The following TRHDE variants were observed in gnomAD, a reference collection of about 807,000 sequenced individuals.
TRHDE encodes the protein thyrotropin-releasing hormone-degrading ectoenzyme.
TRHDE carries 72 observed loss-of-function variants against 125.7 expected under a neutral mutation model. The observed-to-expected ratio is 0.57, with a 90% confidence interval of 0.47 to 0.70. The LOEUF (loss-of-function observed/expected upper bound fraction) is 0.70. TRHDE is among the 30% of genes least tolerant of loss of function. TRHDE has a pLI of 0.00. For synonymous variants in TRHDE, 509 were observed against 509.1 expected (o/e 1.00, Z 0.00); for missense variants, 1,110 against 1,327.1 (o/e 0.84, Z 2.54).
rs1481891217 is a variant in TRHDE at position 72,669,443 on chromosome 12, A to G, written c.*6248A>G. ...ATTTCTCATCACACACATTTTTCTT[A>G]TGTCATATAAGTAAAGGAAAGAGTG... On this transcript the variant is annotated 3_prime_UTR_variant, in exon 19 of 19. Coordinates refer to ENST00000261180, the MANE Select transcript of TRHDE (RefSeq NM_013381.3). 3 of 151,794 alleles carry G rather than the reference A, an allele frequency of 2.0e-5. No individual in the cohort carries two copies. Among genetic ancestry groups the G allele is most frequent in the South Asian group, 4.1e-4 (2 of 4,832 alleles). The allele number at this position is 151,794 out of a possible 1,614,324, so 9.4% of individuals were successfully genotyped here.
At chr12:72,110,056 C>T (rs558173083) in intron 2 of TRHDE, among the ~76,000 whole-genome samples, 22 of 152,190 alleles carry the variant, frequency 1.4e-4, no homozygotes, top group African/African-American at 5.3e-4. Context: ...ACATCACGTT[C>T]CTAATGCCTC....
At chr12:72,335,806 A>G (rs1362872056) in intron 2 of TRHDE, among the ~76,000 whole-genome samples, 2 of 152,214 alleles carry the variant, frequency 1.3e-5, no homozygotes, top group African/African-American at 2.4e-5. Flanking sequence ...CAATTGTTTG[A>G]TAAGTGGGCA....
At chr12:72,266,820 G>T (rs1879080561) in intron 2 of TRHDE, among the ~76,000 whole-genome samples, 1 of 152,022 alleles carries the variant, frequency 6.6e-6, no homozygotes, top group African/African-American at 2.4e-5. Flanking sequence ...CTAATTAAAT[G>T]ACTCTGGCCA....
intron 2 of TRHDE, among the ~76,000 whole-genome samples, chr12:72,294,294 GGAGGGT>G (rs1880204223): frequency 6.6e-6 from 1 of 152,192 alleles, no homozygotes. Flanking sequence ...GTAGGGGAGT[GGAGGGT>G]GAGCAAGATG....
At position 72,520,211 on chromosome 12, in the gene TRHDE, T is replaced by G. The variant is rs1045235667; in HGVS notation, c.1722+20576T>G. Reference sequence around the variant, plus strand: ...GCTGCTTTGTTTACCTAAGCAAGCCTGGGCAATGGCGGGCGCCCCTCCCCC... The same window carrying G: ...GCTGCTTTGTTTACCTAAGCAAGCCGGGGCAATGGCGGGCGCCCCTCCCCC... On this transcript the variant is annotated intron_variant, in intron 6 of 18. Coordinates refer to ENST00000261180, the MANE Select transcript of TRHDE (RefSeq NM_013381.3). Among the ~76,000 whole-genome samples, 6 of 152,366 alleles carry G rather than the reference T, an allele frequency of 3.9e-5. No individual in the cohort carries two copies. In the South Asian group the frequency reaches 1.2e-3, roughly 32 times the overall value.
chr12:72,190,370 A>G (rs977930423), intron 2 of TRHDE, among the ~76,000 whole-genome samples: 1 of 152,186 alleles, frequency 6.6e-6, no homozygotes, highest in African/African-American at 2.4e-5. Context: ...CTGCTGTAGC[A>G]TTTTAACCCA....
In TRHDE at chr12:72,326,373, G is replaced by A. The variant is rs540478745; in HGVS notation, c.1188+39419G>A. Among the ~76,000 whole-genome samples, 6 of 152,118 alleles carry A rather than the reference G, an allele frequency of 3.9e-5. No individual in the cohort carries two copies. In the South Asian group the frequency reaches 1.0e-3, roughly 26 times the overall value. ...ATGAGAACAGATGGACACAGGGAGGGGAGCATCACACACTGGAGCCTGTTG... is the reference window on the plus strand; with the variant it reads ...ATGAGAACAGATGGACACAGGGAGGAGAGCATCACACACTGGAGCCTGTTG... On this transcript the variant is annotated intron_variant, in intron 2 of 18. Coordinates refer to ENST00000261180, the MANE Select transcript of TRHDE (RefSeq NM_013381.3).
chr12:72,447,037 C>G (rs1392549039), intron 3 of TRHDE, among the ~76,000 whole-genome samples: 1 of 152,168 alleles, frequency 6.6e-6, no homozygotes, highest in African/African-American at 2.4e-5. Context: ...CTACAGAACT[C>G]TCCACCCCAA....
At chr12:72,473,301 A>G (rs1876738358) in intron 5 of TRHDE, 121 bp downstream of exon 5, 2 of 660,196 alleles carry the variant, frequency 3.0e-6, no homozygotes, top group African/African-American at 1.8e-5. Context: ...GTATCAATAA[A>G]GTGTAACCAA....
chr12:72,253,493 A>C (rs1442588390), intron 2 of TRHDE: 2 of 152,122 alleles, frequency 1.3e-5, no homozygotes, highest in Non-Finnish European at 2.9e-5. Context: ...CAGCATTAAG[A>C]ATGACAGCTG....
At chr12:72,172,140 A>C (rs184333729) in intron 2 of TRHDE, among the ~76,000 whole-genome samples, 4 of 152,320 alleles carry the variant, frequency 2.6e-5, no homozygotes, top group Admixed American at 2.6e-4. Context: ...AGGAAAATAT[A>C]TCTCTTATAC....
At chr12:72,188,337 T>TA (rs1256288291) in intron 2 of TRHDE, among the ~76,000 whole-genome samples, 1 of 152,264 alleles carries the variant, frequency 6.6e-6, no homozygotes, top group Non-Finnish European at 1.5e-5. Flanking sequence ...TCAGTTCTTT[T>TA]AAATAGGTAA....
At position 72,273,334 on chromosome 12, in the gene TRHDE, C is replaced by T; in HGVS notation, c.691C>T (p.Arg231Ter). The change falls in exon 1 of 19, where the codon CGA becomes TGA. Residue 231 changes from arginine (R) to a stop codon, truncating the protein, a stop_gained. Transcript: ENST00000261180. LOFTEE classifies it high-confidence loss of function. The surrounding 1 kb of genome is among the most constrained non-coding windows in gnomAD (Gnocchi z 5.3). ...ATRYVVLHAS[R>*]VAVEKVQLAE... ...CCGCTACGTAGTGCTGCACGCTTCCCGAGTGGCGGTGGAGAAAGTGCAGCT... is the reference window on the plus strand; with the variant it reads ...CCGCTACGTAGTGCTGCACGCTTCCTGAGTGGCGGTGGAGAAAGTGCAGCT... 1 of 1,614,072 alleles carries T rather than the reference C, an allele frequency of 6.2e-7. No individual in the cohort carries two copies. Among genetic ancestry groups the T allele is most frequent in the Non-Finnish European group, 8.5e-7 (1 of 1,180,016 alleles).
chr12:72,352,048 C>T (rs889805681), intron 2 of TRHDE, among the ~76,000 whole-genome samples: 1 of 151,814 alleles, frequency 6.6e-6, no homozygotes, highest in African/African-American at 2.4e-5. Flanking sequence ...TGACCATGAG[C>T]CTTTCAGAGT....
chr12:72,202,219 G>A (rs1038896336), intron 2 of TRHDE, among the ~76,000 whole-genome samples: 10 of 152,188 alleles, frequency 6.6e-5, no homozygotes, highest in African/African-American at 2.4e-4. Flanking sequence ...TGGTCTATCA[G>A]TGAGATCCCT....
At chr12:72,187,506 T>TGGA (rs948900502) in intron 2 of TRHDE, among the ~76,000 whole-genome samples, 5,475 of 131,954 alleles carry the variant, frequency 0.041, 220 homozygotes, top group African/African-American at 0.1. Flanking sequence ...GTGGTGGTGG[T>TGGA]GGAGGAGGAG....
At chr12:72,601,037 C>T (rs569427884) in intron 12 of TRHDE, among the ~76,000 whole-genome samples, 3 of 151,960 alleles carry the variant, frequency 2.0e-5, no homozygotes, top group South Asian at 2.1e-4. Context: ...GATAATGATT[C>T]GTTTGATGGA....
chr12:72,592,470 T>A (rs1223687812), intron 12 of TRHDE, among the ~76,000 whole-genome samples: 1 of 152,192 alleles, frequency 6.6e-6, no homozygotes, highest in Non-Finnish European at 1.5e-5. Context: ...TTGATTTTTT[T>A]AATGTATGTT....
intron 12 of TRHDE, among the ~76,000 whole-genome samples, chr12:72,589,792 T>A (rs2136046059): frequency 6.6e-6 from 1 of 152,182 alleles, no homozygotes; most frequent in Admixed American, 6.5e-5. Context: ...GTTTTCTCTC[T>A]TTTTTGTGAT....
Sources: gnomAD v4.1 joint callset for allele counts (sites outside exome capture counted in the v4.1 genomes callset) on GRCh38, gnomAD v4.1.1 for gene constraint, Gnocchi (gnomAD v3.1) non-coding constraint, MANE v1.5 for transcripts, NCBI Gene and HGNC (gene_info 2026-07-23, HGNC 2026-07-21) for gene names.